Variants in HECTD4 observed in about 807,000 individuals in gnomAD.
The protein encoded by HECTD4 is HECT domain E3 ubiquitin protein ligase 4.
HECTD4 carries 114 observed loss-of-function variants against 471.5 expected under a neutral mutation model. That is an observed-to-expected ratio of 0.24 (90% CI 0.21 to 0.28). The LOEUF is 0.28. Ranked by LOEUF, HECTD4 falls within the 10% of genes least tolerant of loss-of-function variation. The probability of loss-of-function intolerance (pLI) is 1.00; values close to 1 mark genes in which losing one functional copy is unlikely to be tolerated. For synonymous variants in HECTD4, 2,012 were observed against 2,256.0 expected (o/e 0.89, Z 3.07); for missense variants, 3,866 against 5,651.5 (o/e 0.68, Z 10.13).
At position 112,235,501 on chromosome 12, in the gene HECTD4, C is replaced by T. The variant is rs771435455; in HGVS notation, c.5725+3G>A. The stretch of plus-strand genomic sequence containing the variant: ...GCTACTCTCCTGTTGAGGAGCTTCT[C>T]ACCTGGAACCACATAATCTGCCAGC... On this transcript the variant is annotated splice_donor_region_variant and intron_variant, in intron 36 of 75. Transcript: ENST00000682272. This position sits in a 1 kb window ranked among gnomAD's most constrained non-coding sequence, Gnocchi z 5.0. 1.2e-6 allele frequency: 2 copies of T among 1,604,026 alleles called. No individual in the cohort carries two copies. Among genetic ancestry groups the T allele is most frequent in the Admixed American group, 1.7e-5 (1 of 59,094 alleles).
At chr12:112,223,375 T>G (rs1012093705) in intron 44 of HECTD4, among the ~76,000 whole-genome samples, 3 of 152,208 alleles carry the variant, frequency 2.0e-5, no homozygotes, top group Non-Finnish European at 2.9e-5. Context: ...TCCTCTGCTG[T>G]TTCAACCAAG....
Position 112,228,957 on chromosome 12 carries a change from C to T in HECTD4, c.6520-146G>A. ...ACTACTAGGGTAGCAGATACCAAGC[C>T]CTAGACATGACTTATAATAGGCCCT... On this transcript the variant is annotated intron_variant, in intron 41 of 75. Transcript: ENST00000682272. The surrounding 1 kb of genome is among the most constrained non-coding windows in gnomAD (Gnocchi z 4.9). 1 of 767,306 alleles carries T rather than the reference C, an allele frequency of 1.3e-6. No individual in the cohort carries two copies. The highest frequency in any genetic ancestry group is 2.1e-6 in the Non-Finnish European group (1 of 465,152). The allele number at this position is 767,306 out of a possible 1,614,324, so 47.5% of individuals were successfully genotyped here.
intron 60 of HECTD4, among the ~76,000 whole-genome samples, chr12:112,189,545 C>A (rs1440176629): frequency 2.3e-5 from 2 of 86,428 alleles, no homozygotes; most frequent in Non-Finnish European, 4.0e-5. Context: ...AGCGAGACTC[C>A]GTCTCAAAAA....
At chr12:112,186,225 A>G (rs1035690037) in intron 60 of HECTD4, among the ~76,000 whole-genome samples, 2 of 150,872 alleles carry the variant, frequency 1.3e-5, no homozygotes, top group African/African-American at 2.4e-5. Context: ...CCTGGGCTCA[A>G]GCAATCCTCC....
chr12:112,338,216 C>T (rs1027737838), intron 1 of HECTD4, among the ~76,000 whole-genome samples: 3 of 152,170 alleles, frequency 2.0e-5, no homozygotes, highest in Admixed American at 6.5e-5. Flanking sequence ...TTTGTGTAAT[C>T]TCTCTCTGCC....
intron 11 of HECTD4, 95 bp from the exon 12 acceptor site, chr12:112,270,554 A>G (rs1314707249): frequency 1.0e-6 from 1 of 983,422 alleles, no homozygotes; most frequent in African/African-American, 1.6e-5. Flanking sequence ...TGTGCGCACT[A>G]GAAAAGGATA....
In HECTD4 at chr12:112,228,632, TA is replaced by T. The variant is rs764037827; in HGVS notation, c.6684+14del. The T allele has an allele frequency of 2.0e-4, 314 of 1,595,146 alleles. No homozygotes were observed. The highest frequency in any genetic ancestry group is 2.6e-4 in the Non-Finnish European group (305 of 1,172,828). On this transcript the variant is annotated intron_variant, in intron 42 of 75. Coordinates refer to ENST00000682272, the MANE Select transcript of HECTD4 (RefSeq NM_001388303.1). This position sits in a 1 kb window ranked among gnomAD's most constrained non-coding sequence, Gnocchi z 4.9. Reference sequence around the variant, plus strand: ...ATTGGCAGACATTTTACAAAGCATTTAAAAATCACCTTACCTCTGATCTTGG... The same window carrying T: ...ATTGGCAGACATTTTACAAAGCATTTAAAATCACCTTACCTCTGATCTTGG...
intron 1 of HECTD4, among the ~76,000 whole-genome samples, chr12:112,356,565 A>G (rs1303424293): frequency 2.6e-5 from 4 of 152,014 alleles, no homozygotes; most frequent in African/African-American, 7.3e-5. Flanking sequence ...CAGCCTCCCA[A>G]GTAGCTGGGA....
At chr12:112,357,425 G>C (rs2036361233) in intron 1 of HECTD4, among the ~76,000 whole-genome samples, 1 of 152,126 alleles carries the variant, frequency 6.6e-6, no homozygotes, top group Non-Finnish European at 1.5e-5. Flanking sequence ...ACTGGGTGGG[G>C]GGCTAAGGTG....
chr12:112,309,728 C>T (rs12299116), intron 4 of HECTD4, 59 bp from the exon 5 acceptor site: 16,070 of 784,918 alleles, frequency 0.02, 445 homozygotes, highest in African/African-American at 0.11. Flanking sequence ...AAATTATAAA[C>T]ATGCTTTTTC....
chr12:112,314,728 C>T (rs1566108641), intron 2 of HECTD4, among the ~76,000 whole-genome samples, 182 bp from the exon 3 acceptor site: 1 of 152,160 alleles, frequency 6.6e-6, no homozygotes, highest in Non-Finnish European at 1.5e-5. Context: ...GGCTCATACA[C>T]AAAGATACAA....
chr12:112,246,823 G>T, intron 29 of HECTD4, 78 bp downstream of exon 29: 1 of 1,285,006 alleles, frequency 7.8e-7, no homozygotes, highest in Non-Finnish European at 1.0e-6. Flanking sequence ...TCAAAATATA[G>T]CTGTGTGTCT....
intron 6 of HECTD4, among the ~76,000 whole-genome samples, chr12:112,306,520 C>T (rs997102649): frequency 6.6e-6 from 1 of 152,154 alleles, no homozygotes; most frequent in Admixed American, 6.5e-5. Context: ...ATTTACTAAA[C>T]ACTTTGAATC....
At chr12:112,353,563 G>T (rs955265288) in intron 1 of HECTD4, among the ~76,000 whole-genome samples, 16 of 152,126 alleles carry the variant, frequency 1.1e-4, no homozygotes, top group African/African-American at 3.9e-4. Context: ...GGGTGTGGTG[G>T]CTCATGCCTG....
intron 7 of HECTD4, among the ~76,000 whole-genome samples, chr12:112,287,465 T>C (rs183382799): frequency 6.6e-5 from 10 of 152,238 alleles, no homozygotes; most frequent in African/African-American, 2.4e-4. Flanking sequence ...CATTACTACA[T>C]TGACAATACC....
chr12:112,229,938 AG>A (rs1387252905), intron 40 of HECTD4, 58 bp from the exon 41 acceptor site: 1 of 1,477,442 alleles, frequency 6.8e-7, no homozygotes, highest in East Asian at 2.4e-5. Flanking sequence ...TTTGATGCCA[AG>A]GGTGATAAAG....
At chr12:112,222,819 G>GC (rs1277029992) in intron 44 of HECTD4, among the ~76,000 whole-genome samples, 1 of 152,208 alleles carries the variant, frequency 6.6e-6, no homozygotes, top group African/African-American at 2.4e-5. Flanking sequence ...GGGTGACAGA[G>GC]CGAAACCCTG....
chr12:112,320,688 G>C (rs1025648269), intron 1 of HECTD4, among the ~76,000 whole-genome samples: 1 of 151,580 alleles, frequency 6.6e-6, no homozygotes, highest in African/African-American at 2.4e-5. Flanking sequence ...GTGACAGAGT[G>C]AGACTCTGTC....
Position 112,185,114 on chromosome 12 carries a change from G to C in HECTD4, c.9852C>G (p.Thr3284=). 3.2e-6 allele frequency: 5 copies of C among 1,560,210 alleles called. No homozygotes were observed. Among genetic ancestry groups the C allele is most frequent in the Non-Finnish European group, 4.3e-6 (5 of 1,151,578 alleles). ...AGGACGAGTCACTGAGATTTGGGGCGGTCGCTGAGGTCACCCCACTGGCTG... is the reference window on the plus strand; with the variant it reads ...AGGACGAGTCACTGAGATTTGGGGCCGTCGCTGAGGTCACCCCACTGGCTG... The part of the protein sequence containing the change: ...SVTASGVTSA[T]APNLSDSSSS... Residue 3284 remains threonine, a synonymous_variant, in exon 61 of 76, where the codon ACC becomes ACG. Transcript: ENST00000682272.
Sources: allele counts gnomAD v4.1 joint callset (sites outside exome capture counted in the v4.1 genomes callset), GRCh38; gene constraint gnomAD v4.1.1; non-coding constraint Gnocchi (gnomAD v3.1); transcripts MANE v1.5; gene names NCBI Gene and HGNC (gene_info 2026-07-23, HGNC 2026-07-21).